Variants in RBFOX1 observed in about 807,000 individuals in gnomAD.
The protein encoded by RBFOX1 is RNA binding protein fox-1 homolog 1.
RBFOX1 carries 8 observed loss-of-function variants against 57.7 expected under a neutral mutation model. The ratio of observed to expected loss-of-function variants is 0.14; its 90% CI spans 0.08 to 0.25. RBFOX1 has a LOEUF of 0.25. RBFOX1 is among the 10% of genes least tolerant of loss of function. RBFOX1 has a pLI of 1.00. For synonymous variants in RBFOX1, 326 were observed against 222.4 expected (o/e 1.47, Z -4.15); for missense variants, 611 against 548.5 (o/e 1.11, Z -1.14).
intron 3 of RBFOX1, among the ~76,000 whole-genome samples, chr16:6,794,346 C>G (rs1349004320): frequency 2.9e-5 from 4 of 138,700 alleles, no homozygotes; most frequent in African/African-American, 1.1e-4. Context: ...ATGAGGCATT[C>G]TCAAACTACA....
At chr16:7,609,818 T>G (rs936142440) in intron 10 of RBFOX1, among the ~76,000 whole-genome samples, 1 of 151,832 alleles carries the variant, frequency 6.6e-6, no homozygotes, top group Non-Finnish European at 1.5e-5. Flanking sequence ...TTTGTTTGTT[T>G]GTTTGTTTGT....
intron 3 of RBFOX1, among the ~76,000 whole-genome samples, chr16:5,809,462 C>G (rs1394903348): frequency 2.6e-5 from 4 of 151,618 alleles, no homozygotes; most frequent in African/African-American, 9.7e-5. Flanking sequence ...AAAATGAACT[C>G]AAACAAATTT....
chr16:5,884,501 G>A (rs2057848512), intron 4 of RBFOX1, among the ~76,000 whole-genome samples: 1 of 129,740 alleles, frequency 7.7e-6, no homozygotes, highest in Non-Finnish European at 1.6e-5. Context: ...GTACACAGCT[G>A]GACTACATTT....
At chr16:7,025,450 C>G (rs1471876011) in intron 3 of RBFOX1, among the ~76,000 whole-genome samples, 1 of 152,124 alleles carries the variant, frequency 6.6e-6, no homozygotes, top group South Asian at 2.1e-4. Context: ...CTTAGAATGC[C>G]TAACCTTCTG....
chr16:6,309,399 T>G (rs773127725), intron 1 of RBFOX1, among the ~76,000 whole-genome samples: 1 of 152,142 alleles, frequency 6.6e-6, no homozygotes, highest in Non-Finnish European at 1.5e-5. Flanking sequence ...CAGTGCAAAT[T>G]AAAAGATCCG....
Position 5,359,698 on chromosome 16 carries a change from C to T in RBFOX1, c.220-107518C>T, listed in dbSNP as rs150684718. 5.3e-5 allele frequency among the ~76,000 whole-genome samples: 8 copies of T among 152,052 alleles called. No individual in the cohort carries two copies. The East Asian group carries it at 1.6e-3, about 30-fold the overall frequency. Reference sequence around the variant, plus strand: ...CTATTGAGTCGTTTGAGCTTCTTTGCCGATCATTTCCTCTGCTGTGCAGAA... The same window carrying T: ...CTATTGAGTCGTTTGAGCTTCTTTGTCGATCATTTCCTCTGCTGTGCAGAA... On this transcript the variant is annotated intron_variant, in intron 1 of 2. Transcript: ENST00000585867.
At chr16:6,126,102 T>C (rs955808555) in intron 1 of RBFOX1, among the ~76,000 whole-genome samples, 9 of 152,202 alleles carry the variant, frequency 5.9e-5, no homozygotes, top group African/African-American at 1.7e-4. Context: ...CAATATGGTG[T>C]TTACTTGCAT....
At chr16:6,106,766 C>G (rs973865976) in intron 1 of RBFOX1, among the ~76,000 whole-genome samples, 1 of 152,138 alleles carries the variant, frequency 6.6e-6, no homozygotes, top group Non-Finnish European at 1.5e-5. Context: ...CTCCCGGGTT[C>G]ATGCCATCCT....
At chr16:5,344,299 C>T (rs1019104512) in intron 1 of RBFOX1, among the ~76,000 whole-genome samples, 2 of 152,160 alleles carry the variant, frequency 1.3e-5, no homozygotes, top group African/African-American at 4.8e-5. Flanking sequence ...CAGTCCTTTG[C>T]CCAGCTCCCT....
intron 1 of RBFOX1, among the ~76,000 whole-genome samples, chr16:5,310,348 C>T (rs1996418): frequency 0.57 from 86,700 of 151,864 alleles, 27,213 homozygotes; most frequent in East Asian, 0.74. Context: ...TTGCAGTGAG[C>T]CGAGATCATG....
Position 7,103,562 on chromosome 16 carries a change from A to G in RBFOX1, c.27+51464A>G, listed in dbSNP as rs567867182. ...AGCTGTGTATCAAATGTATAGATAG[A>G]TTGATAATCTACACACCAAGATGCT... On this transcript the variant is annotated intron_variant, in intron 4 of 15. Coordinates refer to ENST00000550418, the MANE Select transcript of RBFOX1 (RefSeq NM_018723.4). Among the ~76,000 whole-genome samples the G allele has an allele frequency of 5.3e-5, 8 of 152,152 alleles. No homozygotes were observed. The South Asian group carries it at 1.5e-3, about 28-fold the overall frequency.
chr16:5,374,489 A>G (rs922964025), intron 1 of RBFOX1, among the ~76,000 whole-genome samples: 15 of 152,020 alleles, frequency 9.9e-5, no homozygotes, highest in African/African-American at 3.1e-4. Context: ...AAAAGGATGG[A>G]GTGTATATGG....
At chr16:5,959,107 C>A (rs1174747277) in intron 4 of RBFOX1, among the ~76,000 whole-genome samples, 1 of 152,200 alleles carries the variant, frequency 6.6e-6, no homozygotes, top group Non-Finnish European at 1.5e-5. Context: ...TATGTGCTAC[C>A]TGTGGTTTTA....
At chr16:6,583,242 C>G (rs1600587375) in intron 2 of RBFOX1, among the ~76,000 whole-genome samples, 1 of 152,212 alleles carries the variant, frequency 6.6e-6, no homozygotes, top group Admixed American at 6.5e-5. Context: ...GTCCGGGGCA[C>G]ATGGCACTCA....
At chr16:5,967,284 A>G (rs919579144) in intron 4 of RBFOX1, among the ~76,000 whole-genome samples, 1 of 152,150 alleles carries the variant, frequency 6.6e-6, no homozygotes, top group East Asian at 1.9e-4. Context: ...TCTATGAATA[A>G]TTTTTATACT....
chr16:5,500,202 A>C (rs1597316298), intron 2 of RBFOX1, among the ~76,000 whole-genome samples: 1 of 115,064 alleles, frequency 8.7e-6, no homozygotes, highest in Non-Finnish European at 1.6e-5. Context: ...CCTTCATTCC[A>C]TTCCATTGCA....
At chr16:5,836,699 A>T (rs75465355) in intron 3 of RBFOX1, among the ~76,000 whole-genome samples, 11,540 of 152,176 alleles carry the variant, frequency 0.076, 538 homozygotes, top group African/African-American at 0.12. Flanking sequence ...TGTGTGTTGT[A>T]GGATGTTCAG....
intron 4 of RBFOX1, among the ~76,000 whole-genome samples, chr16:7,174,529 C>G (rs145357005): frequency 0.02 from 3,030 of 152,240 alleles, 49 homozygotes; most frequent in Middle Eastern, 0.068. Context: ...ACCTGCAATC[C>G]CAGCCCTTTG....
chr16:6,900,920 G>A (rs894261033), intron 3 of RBFOX1, among the ~76,000 whole-genome samples: 1 of 152,142 alleles, frequency 6.6e-6, no homozygotes, highest in Admixed American at 6.6e-5. Flanking sequence ...TTTTGCACAT[G>A]GTAAATGCTA....
Sources: allele counts gnomAD v4.1 joint callset (sites outside exome capture counted in the v4.1 genomes callset), GRCh38; gene constraint gnomAD v4.1.1; transcripts MANE v1.5; gene names NCBI Gene and HGNC (gene_info 2026-07-23, HGNC 2026-07-21).